DNAH14: variants seen among roughly 807,000 people sequenced by gnomAD.
The protein encoded by DNAH14 is dynein axonemal heavy chain 14.
In DNAH14, 478 loss-of-function variants were observed where a neutral mutation model predicts 520.9. That is an observed-to-expected ratio of 0.92 (90% confidence interval 0.85 to 0.99). The LOEUF is 0.99. Ranked by LOEUF, DNAH14 falls within the 50% of genes least tolerant of loss-of-function variation. DNAH14 has a pLI of 0.00. For missense variants in DNAH14, 4,831 were observed against 5,234.5 expected (o/e 0.92, Z 2.38); for synonymous variants, 1,581 against 1,757.2 (o/e 0.90, Z 2.51).
chr1:225,385,989 G>T (rs529773988), intron 81 of DNAH14, among the ~76,000 whole-genome samples: 1 of 152,228 alleles, frequency 6.6e-6, no homozygotes, highest in African/African-American at 2.4e-5. Flanking sequence ...ATGCTACAAG[G>T]CTACAGTAAC....
chr1:225,300,719 G>A (rs2094122669), intron 55 of DNAH14, 150 bp from the exon 56 acceptor site: 3 of 754,618 alleles, frequency 4.0e-6, no homozygotes, highest in South Asian at 1.9e-5. Flanking sequence ...AAAAAGGTGG[G>A]GGGTGGGGGA....
intron 52 of DNAH14, among the ~76,000 whole-genome samples, chr1:225,274,777 A>G (rs958606315): frequency 3.3e-5 from 5 of 152,220 alleles, no homozygotes; most frequent in Admixed American, 6.5e-5. Context: ...CAGTACCCCA[A>G]ATTCAAGACC....
At chr1:224,966,968 A>G (rs984953556) in intron 5 of DNAH14, among the ~76,000 whole-genome samples, 2 of 152,216 alleles carry the variant, frequency 1.3e-5, no homozygotes, top group Non-Finnish European at 2.9e-5. Flanking sequence ...AATGTATATG[A>G]AAGAGTTATT....
Position 225,346,000 on chromosome 1 carries a change from A to C in DNAH14, c.10717A>C (p.Arg3573=). The change falls in exon 70 of 86, where the codon AGA becomes CGA. Residue 3573 remains arginine (R), a synonymous_variant. Transcript: ENST00000682510. ...LDDDKIVDTL[R]KSKMTSNEIS... The stretch of plus-strand genomic sequence containing the variant: ...TGATGACAAAATTGTAGATACCTTA[A>C]GAAAATCCAAAATGACATCAAACGA... The C allele has an allele frequency of 6.4e-7, 1 of 1,551,444 alleles. No homozygotes were observed. Among genetic ancestry groups the C allele is most frequent in the African/African-American group, 1.4e-5 (1 of 73,106 alleles).
intron 8 of DNAH14, among the ~76,000 whole-genome samples, chr1:224,975,901 G>A (rs1011237848): frequency 4.0e-5 from 6 of 151,830 alleles, no homozygotes; most frequent in African/African-American, 1.5e-4. Context: ...CTTTGAATGT[G>A]TCCCAGAGAT....
chr1:225,327,523 A>T (rs116837283), intron 64 of DNAH14, among the ~76,000 whole-genome samples: 1 of 152,194 alleles, frequency 6.6e-6, no homozygotes, highest in African/African-American at 2.4e-5. Context: ...ATCAGAAAAT[A>T]CTTAGAGACA....
intron 8 of DNAH14, 118 bp from the exon 9 acceptor site, chr1:225,002,665 G>A: frequency 1.1e-6 from 1 of 950,822 alleles, no homozygotes; most frequent in South Asian, 1.6e-5. Flanking sequence ...GTTTAAAATG[G>A]GGTAGATGTA....
intron 8 of DNAH14, among the ~76,000 whole-genome samples, chr1:224,984,497 C>A (rs1237427890): frequency 2.0e-5 from 3 of 152,046 alleles, no homozygotes; most frequent in Non-Finnish European, 2.9e-5. Context: ...GATTTCATGA[C>A]CAAAAACGCA....
chr1:224,984,603 A>G (rs1419669097), intron 8 of DNAH14, among the ~76,000 whole-genome samples: 1 of 152,228 alleles, frequency 6.6e-6, no homozygotes, highest in African/African-American at 2.4e-5. Flanking sequence ...GAGTAAACAG[A>G]CAATCCACAG....
At chr1:225,172,761 T>G (rs1001946481) in intron 36 of DNAH14, among the ~76,000 whole-genome samples, 1 of 151,982 alleles carries the variant, frequency 6.6e-6, no homozygotes, top group African/African-American at 2.4e-5. Flanking sequence ...TGGAAAAAAC[T>G]AAAATTCATA....
At position 224,952,757 on chromosome 1, in the gene DNAH14, G is replaced by GT; in HGVS notation, c.55_56insT (p.Glu19ValfsTer13). The stretch of plus-strand genomic sequence containing the variant: ...AACTGAAAATCAAGAGATGGACAAG[G>GT]AGGAAACCAAGACAAAACCAAGGTA... On this transcript the variant is annotated frameshift_variant, in exon 2 of 86. Transcript: ENST00000682510. LOFTEE classifies it high-confidence loss of function. The GT allele has an allele frequency of 6.2e-7, 1 of 1,600,652 alleles. No individual in the cohort carries two copies. The highest frequency in any genetic ancestry group is 8.5e-7 in the Non-Finnish European group (1 of 1,173,578).
Position 225,305,020 on chromosome 1 carries a change from G to A in DNAH14, c.8936G>A (p.Ser2979Asn). The change falls in exon 58 of 86, where the codon AGC (serine) becomes AAC (asparagine). Residue 2979 changes from serine (S) to asparagine (N), a missense_variant. Transcript: ENST00000682510. Reference protein sequence around the residue: ...TGRFYYTTPNSYLQFMETFAH... With the variant: ...TGRFYYTTPNNYLQFMETFAH... ...AGATTTTATTATACCACTCCCAATA[G>A]CTACTTGCAATTTATGGAAACATTT... The A allele has an allele frequency of 1.9e-6, 3 of 1,545,244 alleles. No homozygotes were observed. The highest frequency in any genetic ancestry group is 1.7e-6 in the Non-Finnish European group (2 of 1,145,682).
chr1:225,250,793 A>C (rs2092513004), intron 43 of DNAH14: 1 of 453,674 alleles, frequency 2.2e-6, no homozygotes, highest in African/African-American at 2.0e-5. Context: ...GAATAATTTC[A>C]GCAAGTTCTG....
intron 63 of DNAH14, 36 bp downstream of exon 63, chr1:225,324,389 G>T (rs1225018369): frequency 6.5e-7 from 1 of 1,540,108 alleles, no homozygotes; most frequent in Admixed American, 2.0e-5. Context: ...TCATGATTTG[G>T]AAGTGGCACA....
At chr1:225,137,691 G>A (rs1174881697) in intron 27 of DNAH14, among the ~76,000 whole-genome samples, 1 of 152,084 alleles carries the variant, frequency 6.6e-6, no homozygotes, top group Non-Finnish European at 1.5e-5. Context: ...CTCTACCATA[G>A]GGCTGCTGTG....
intron 10 of DNAH14, among the ~76,000 whole-genome samples, chr1:225,017,209 A>G (rs1318751701): frequency 6.6e-6 from 1 of 152,140 alleles, no homozygotes; most frequent in African/African-American, 2.4e-5. Context: ...GATTTCCAAA[A>G]CTTAAGTTAT....
chr1:225,048,346 C>A, intron 15 of DNAH14, among the ~76,000 whole-genome samples: 1 of 151,692 alleles, frequency 6.6e-6, no homozygotes, highest in South Asian at 2.1e-4. Flanking sequence ...ACAAAATATA[C>A]AAAAAATTAG....
rs1378352640 is a variant in DNAH14 at position 225,360,753 on chromosome 1, T to C, written c.11849T>C (p.Ile3950Thr). 6.4e-7 allele frequency: 1 copy of C among 1,551,604 alleles called. No homozygotes were observed. Among genetic ancestry groups the C allele is most frequent in the African/African-American group, 1.4e-5 (1 of 73,058 alleles). Residue 3950 changes from isoleucine (I) to threonine (T), a missense_variant, in exon 75 of 86, where the codon ATT (isoleucine) becomes ACT (threonine). Transcript: ENST00000682510. ...LKGTTHHVTI[I>T]SLGRDQAAKA... ...GGAACAACACATCATGTGACCATAA[T>C]TTCTCTGGGCCGTGACCAAGCAGCT...
intron 4 of DNAH14, among the ~76,000 whole-genome samples, chr1:224,960,550 G>A (rs1413090891): frequency 5.3e-5 from 8 of 152,022 alleles, no homozygotes; most frequent in South Asian, 2.1e-4. Flanking sequence ...TGAAGGCTAT[G>A]ATTTTAGAAC....
Sources: gnomAD v4.1 joint callset for allele counts (sites outside exome capture counted in the v4.1 genomes callset) on GRCh38, gnomAD v4.1.1 for gene constraint, MANE v1.5 for transcripts, NCBI Gene and HGNC (gene_info 2026-07-23, HGNC 2026-07-21) for gene names.